The following NLRP5 variants were observed in gnomAD, a reference collection of about 807,000 sequenced individuals.
NLRP5 encodes NACHT, LRR and PYD domains-containing protein 5.
A neutral mutation model predicts 113.1 loss-of-function variants in NLRP5; 93 were observed. The observed-to-expected ratio is 0.82, with a 90% CI of 0.70 to 0.98. The LOEUF is 0.98. Among genes scored for constraint, NLRP5 ranks in the 50% least tolerant of loss-of-function variants. The pLI is 0.00. For synonymous variants in NLRP5, 751 were observed against 600.7 expected (o/e 1.25, Z -3.66); for missense variants, 1,808 against 1,514.3 (o/e 1.19, Z -3.22).
intron 4 of NLRP5, among the ~76,000 whole-genome samples, chr19:56,018,014 G>A (rs765154252): frequency 3.3e-5 from 5 of 152,046 alleles, no homozygotes; most frequent in Admixed American, 6.6e-5. Context: ...GTCTCTACCC[G>A]TAATATATGA....
chr19:56,003,986 C>T lies in NLRP5; in HGVS notation c.333C>T (p.Leu111=), dbSNP rs1400904663. Residue 111 remains leucine (L), a synonymous_variant, in exon 2 of 15, where the codon CTC becomes CTT. Transcript: ENST00000390649. ...ATGCCAACGTGGAATGTCTGGCACT[C>T]CTCTTGCATGAGTATTATGGAGCAT... 6.2e-7 allele frequency: 1 copy of T among 1,613,876 alleles called. No homozygotes were observed. Among genetic ancestry groups the T allele is most frequent in the Non-Finnish European group, 8.5e-7 (1 of 1,179,896 alleles).
chr19:56,025,515 C>T (rs570109833), intron 6 of NLRP5, among the ~76,000 whole-genome samples: 1 of 152,198 alleles, frequency 6.6e-6, no homozygotes, highest in South Asian at 2.1e-4. Flanking sequence ...ATGACTTTCT[C>T]CTGCCTCAGC....
At chr19:56,004,954 C>T (rs1002320999) in intron 2 of NLRP5, among the ~76,000 whole-genome samples, 10 of 151,490 alleles carry the variant, frequency 6.6e-5, no homozygotes, top group African/African-American at 2.2e-4. Context: ...ATTAGCCAGG[C>T]GTCATGGCAC....
At chr19:56,024,456 TACATAC>T (rs1158055841) in intron 6 of NLRP5, among the ~76,000 whole-genome samples, 5 of 141,816 alleles carry the variant, frequency 3.5e-5, no homozygotes, top group African/African-American at 1.4e-4. Context: ...TATATATACG[TACATAC>T]ATATATACGT....
intron 9 of NLRP5, among the ~76,000 whole-genome samples, chr19:56,034,943 GTTTTC>G (rs1036408560): frequency 3.3e-5 from 5 of 152,074 alleles, no homozygotes; most frequent in African/African-American, 7.2e-5. Context: ...TGTTTATATA[GTTTTC>G]TTTTCTTTTT....
Position 56,013,595 on chromosome 19 carries a change from G to GTTTTTTTTTT in NLRP5, c.509-2147_509-2146insTTTTTTTTTT, listed in dbSNP as rs1418924718. 2.3e-4 allele frequency among the ~76,000 whole-genome samples: 7 copies of GTTTTTTTTTT among 30,980 alleles called. 1 individual carries two copies. Among genetic ancestry groups the GTTTTTTTTTT allele is most frequent in the South Asian group, 9.4e-4 (1 of 1,066 alleles). 20.3% of individuals were successfully genotyped at this position (30,980 alleles called of 152,430 possible). ...TCATTTATCACATGATGGACATTTGGGTTTTTTTTTTTTTTTTTTTTTGCT... is the reference window on the plus strand; with the variant it reads ...TCATTTATCACATGATGGACATTTGGTTTTTTTTTTGTTTTTTTTTTTTTTTTTTTTTGCT... On this transcript the variant is annotated intron_variant, in intron 3 of 14. Coordinates refer to ENST00000390649, the MANE Select transcript of NLRP5 (RefSeq NM_153447.4).
chr19:56,012,224 C>T (rs1333024211), intron 3 of NLRP5, among the ~76,000 whole-genome samples: 2 of 152,098 alleles, frequency 1.3e-5, no homozygotes, highest in African/African-American at 4.8e-5. Flanking sequence ...TCTGGGCTCA[C>T]TGCAAGCTCC....
intron 13 of NLRP5, among the ~76,000 whole-genome samples, chr19:56,054,304 C>A (rs538167983): frequency 6.6e-6 from 1 of 152,030 alleles, no homozygotes; most frequent in African/African-American, 2.4e-5. Context: ...ACGCCTGTAA[C>A]ACCAGCACTT....
In NLRP5 at chr19:56,061,644, A is replaced by G. The variant is rs1294264398; in HGVS notation, c.*116A>G. 3 of 1,177,112 alleles carry G rather than the reference A, an allele frequency of 2.5e-6. No individual in the cohort carries two copies. In the East Asian group the frequency reaches 7.0e-5, roughly 28 times the overall value. 72.9% of individuals were successfully genotyped at this position (1,177,112 alleles called of 1,614,324 possible). ...TCTCAAAGATGGAGAATGATTTCTG[A>G]TTCTCACAAAGCCCTCAATGGTAGT... On this transcript the variant is annotated 3_prime_UTR_variant, in exon 15 of 15. Coordinates refer to ENST00000390649, the MANE Select transcript of NLRP5 (RefSeq NM_153447.4).
At position 56,027,460 on chromosome 19, in the gene NLRP5, CAG is replaced by C; in HGVS notation, c.1231_1232del (p.Asp411ArgfsTer19). ...CTGAGTCCTTCCTGATCGTCACCGT[CAG>C]AGACGTGGGCACAGAGAAGCTCAAG... On this transcript the variant is annotated frameshift_variant, in exon 7 of 15. Coordinates refer to ENST00000390649, the MANE Select transcript of NLRP5 (RefSeq NM_153447.4). LOFTEE classifies it high-confidence loss of function. 1 of 1,613,840 alleles carries C rather than the reference CAG, an allele frequency of 6.2e-7. No homozygotes were observed. The highest frequency in any genetic ancestry group is 8.5e-7 in the Non-Finnish European group (1 of 1,179,852).
chr19:56,058,595 G>C (rs142233608), intron 14 of NLRP5, among the ~76,000 whole-genome samples, 185 bp downstream of exon 14: 87 of 152,372 alleles, frequency 5.7e-4, no homozygotes, highest in African/African-American at 1.9e-3. Flanking sequence ...GAATATGGGA[G>C]ATAGAGGCCA....
chr19:56,058,647 A>C (rs1984246242), intron 14 of NLRP5, among the ~76,000 whole-genome samples: 1 of 152,210 alleles, frequency 6.6e-6, no homozygotes, highest in African/African-American at 2.4e-5. Context: ...TAGGTTGGGA[A>C]GGGCACAGAA....
Position 56,032,780 on chromosome 19 carries a change from A to G in NLRP5, c.2446A>G (p.Met816Val). The G allele has an allele frequency of 2.5e-6, 4 of 1,603,420 alleles. No individual in the cohort carries two copies. Among genetic ancestry groups the G allele is most frequent in the Non-Finnish European group, 3.4e-6 (4 of 1,174,616 alleles). ...TCCCACCTGCAAGATACAGACCCTG[A>G]TGTAAGGCTGCCCGCCCCCTACGAG... The change falls in exon 8 of 15, where the codon ATG (methionine) becomes GTG (valine). Residue 816 changes from methionine to valine, a missense_variant and splice_region_variant. Met to Val is a conservative substitution (Grantham distance 21). Coordinates refer to ENST00000390649, the MANE Select transcript of NLRP5 (RefSeq NM_153447.4).
At chr19:56,053,030 G>C (rs1216236472) in intron 12 of NLRP5, among the ~76,000 whole-genome samples, 1 of 152,152 alleles carries the variant, frequency 6.6e-6, no homozygotes, top group Non-Finnish European at 1.5e-5. Context: ...CCAGGAGGTG[G>C]AGGTTGCAGT....
chr19:56,002,983 T>C (rs573799617), intron 1 of NLRP5, among the ~76,000 whole-genome samples: 55 of 151,540 alleles, frequency 3.6e-4, no homozygotes, highest in Admixed American at 1.3e-3. Flanking sequence ...TGTGGAGAAA[T>C]AGGAACACTT....
chr19:56,024,226 G>A (rs1352082112), intron 6 of NLRP5, among the ~76,000 whole-genome samples: 1 of 150,974 alleles, frequency 6.6e-6, no homozygotes, highest in Non-Finnish European at 1.5e-5. Context: ...AGGTGGGCCG[G>A]GCACAGTGGC....
chr19:55,988,246 A>C, the NLRP5 span: 1 of 165,378 alleles, frequency 6.0e-6, no homozygotes, highest in Non-Finnish European at 1.3e-5. Context: ...AAAAATACAA[A>C]AAATTAGGCG....
At chr19:55,987,927 C>T in the NLRP5 span, 8 of 1,584,616 alleles carry the variant, frequency 5.0e-6, no homozygotes, top group Non-Finnish European at 6.9e-6. Context: ...GTCCAGTCAT[C>T]TTTCTCTGGG....
At chr19:56,035,034 G>C (rs1453677913) in intron 9 of NLRP5, among the ~76,000 whole-genome samples, 1 of 152,168 alleles carries the variant, frequency 6.6e-6, no homozygotes, top group Non-Finnish European at 1.5e-5. Context: ...CACCTCCCTG[G>C]TTCAGGCAAT....
Sources: allele counts gnomAD v4.1 joint callset (sites outside exome capture counted in the v4.1 genomes callset), GRCh38; gene constraint gnomAD v4.1.1; transcripts MANE v1.5; gene names NCBI Gene and HGNC (gene_info 2026-07-23, HGNC 2026-07-21).